Variants in CSGALNACT1 observed in about 807,000 individuals in gnomAD.
CSGALNACT1 encodes beta4GalNAcT-1.
In CSGALNACT1, 52 loss-of-function variants were observed where a neutral mutation model predicts 51.0. That is an observed-to-expected ratio of 1.02 (90% CI 0.82 to 1.29). CSGALNACT1 has a LOEUF of 1.29. Among genes scored for constraint, CSGALNACT1 ranks in the 50% most tolerant of loss-of-function variants. CSGALNACT1 has a pLI of 0.00. For missense variants in CSGALNACT1, 935 were observed against 679.2 expected, an observed-to-expected ratio of 1.38 and a Z score of -4.19; for synonymous variants, 341 against 254.4, an observed-to-expected ratio of 1.34 and a Z score of -3.24.
At chr8:19,431,197 C>G (rs1353596552) in intron 6 of CSGALNACT1, among the ~76,000 whole-genome samples, 3 of 152,064 alleles carry the variant, frequency 2.0e-5, no homozygotes, top group African/African-American at 7.2e-5. Context: ...CTAGAACACC[C>G]AGTACAATAT....
intron 4 of CSGALNACT1, among the ~76,000 whole-genome samples, chr8:19,475,244 T>C (rs1281687576): frequency 6.6e-6 from 1 of 152,080 alleles, no homozygotes; most frequent in African/African-American, 2.4e-5. Context: ...GCCGAGAAAG[T>C]CTGGGAAATA....
intron 7 of CSGALNACT1, among the ~76,000 whole-genome samples, chr8:19,419,318 G>A (rs1328466433): frequency 2.0e-5 from 3 of 152,162 alleles, no homozygotes; most frequent in Non-Finnish European, 4.4e-5. Flanking sequence ...CTTGGGAGGG[G>A]GTGTGAAAGA....
intron 1 of CSGALNACT1, among the ~76,000 whole-genome samples, chr8:19,718,827 C>T (rs893910444): frequency 2.6e-5 from 4 of 152,146 alleles, no homozygotes; most frequent in African/African-American, 7.2e-5. Context: ...TCACCACGAC[C>T]GTGAAGCCCT....
chr8:19,721,551 G>A (rs1244125798), intron 1 of CSGALNACT1, among the ~76,000 whole-genome samples: 6 of 152,152 alleles, frequency 3.9e-5, no homozygotes, highest in Admixed American at 6.5e-5. Flanking sequence ...AGCCATAGCT[G>A]GGGTGCTCAA....
chr8:19,641,083 C>A (rs955863369), intron 1 of CSGALNACT1, among the ~76,000 whole-genome samples: 1 of 151,132 alleles, frequency 6.6e-6, no homozygotes. Context: ...CTCAAGTCTC[C>A]CAGGGATGCG....
At chr8:19,592,064 G>GA (rs566241799) in intron 2 of CSGALNACT1, among the ~76,000 whole-genome samples, 162 of 149,410 alleles carry the variant, frequency 1.1e-3, no homozygotes, top group African/African-American at 3.3e-3. Flanking sequence ...GCCTTTAAAA[G>GA]AAAAAAAAAG....
chr8:19,726,940 A>G (rs2154243183), intron 1 of CSGALNACT1, among the ~76,000 whole-genome samples: 1 of 152,346 alleles, frequency 6.6e-6, no homozygotes, highest in South Asian at 2.1e-4. Flanking sequence ...AGAAGCTTCT[A>G]GACAGCAACC....
intron 1 of CSGALNACT1, among the ~76,000 whole-genome samples, chr8:19,745,450 C>A (rs2064592688): frequency 6.6e-6 from 1 of 152,184 alleles, no homozygotes; most frequent in South Asian, 2.1e-4. Context: ...CAATTTTTCA[C>A]TTGTGCCCCT....
chr8:19,515,536 C>T (rs146639586), intron 3 of CSGALNACT1, among the ~76,000 whole-genome samples: 35 of 152,258 alleles, frequency 2.3e-4, no homozygotes, highest in African/African-American at 8.4e-4. Context: ...TGAGAATAAA[C>T]ACATAAGTGT....
At chr8:19,419,456 G>T (rs1036393979) in intron 7 of CSGALNACT1, among the ~76,000 whole-genome samples, 2 of 152,180 alleles carry the variant, frequency 1.3e-5, no homozygotes, top group African/African-American at 4.8e-5. Flanking sequence ...TGTCCAGGGT[G>T]GTTGCTCTTT....
chr8:19,544,904 C>A (rs954091703), intron 3 of CSGALNACT1, among the ~76,000 whole-genome samples: 1 of 152,258 alleles, frequency 6.6e-6, no homozygotes, highest in African/African-American at 2.4e-5. Context: ...CTATCGTTTA[C>A]ACACAGGACA....
chr8:19,434,468 C>A (rs1367575948), intron 6 of CSGALNACT1, among the ~76,000 whole-genome samples: 1 of 152,124 alleles, frequency 6.6e-6, no homozygotes, highest in African/African-American at 2.4e-5. Context: ...CAACTTCACC[C>A]TTGAAGACAT....
chr8:19,502,090 T>C (rs2153987133), intron 4 of CSGALNACT1, among the ~76,000 whole-genome samples: 1 of 152,318 alleles, frequency 6.6e-6, no homozygotes, highest in African/African-American at 2.4e-5. Flanking sequence ...TTCGCAGAAC[T>C]GTAGAAAGTG....
chr8:19,636,606 A>C (rs988710836), intron 1 of CSGALNACT1, among the ~76,000 whole-genome samples: 1 of 152,172 alleles, frequency 6.6e-6, no homozygotes, highest in Non-Finnish European at 1.5e-5. Flanking sequence ...ACACCTGAAC[A>C]AGACCTGTCT....
chr8:19,534,478 C>T (rs2083375965), intron 3 of CSGALNACT1, among the ~76,000 whole-genome samples: 1 of 151,992 alleles, frequency 6.6e-6, no homozygotes, highest in Non-Finnish European at 1.5e-5. Flanking sequence ...TGTAAGAGTA[C>T]TTATTTAATC....
rs2077120602 is a variant in CSGALNACT1 at position 19,505,374 on chromosome 8, TGTAGA to T, written c.456_460del (p.Leu153GlufsTer25). The T allele has an allele frequency of 6.2e-7, 1 of 1,614,200 alleles. No homozygotes were observed. The highest frequency in any genetic ancestry group is 8.5e-7 in the Non-Finnish European group (1 of 1,180,024). ...GCCAGTCTCCAGCTGGTACACCTTC[TGTAGA>T]GTAAAGCTATCGAAAGGCACTGCTG... On this transcript the variant is annotated frameshift_variant, in exon 4 of 10. Coordinates refer to ENST00000454498, the Ensembl canonical transcript of CSGALNACT1. LOFTEE classifies it high-confidence loss of function.
At chr8:19,429,919 G>T (rs140029295) in intron 6 of CSGALNACT1, among the ~76,000 whole-genome samples, 1 of 152,166 alleles carries the variant, frequency 6.6e-6, no homozygotes, top group Non-Finnish European at 1.5e-5. Flanking sequence ...AGCCATCCCG[G>T]TGAGTGTAGT....
At chr8:19,441,901 G>A (rs1192045318) in intron 5 of CSGALNACT1, among the ~76,000 whole-genome samples, 1 of 152,130 alleles carries the variant, frequency 6.6e-6, no homozygotes, top group Non-Finnish European at 1.5e-5. Flanking sequence ...ATCAAAAAGT[G>A]GGCGAAGGAT....
At chr8:19,702,258 C>T (rs2061921200) in intron 1 of CSGALNACT1, among the ~76,000 whole-genome samples, 1 of 152,154 alleles carries the variant, frequency 6.6e-6, no homozygotes, top group Non-Finnish European at 1.5e-5. Context: ...GGTGCAATGG[C>T]TCACACCTGT....
Sources: gnomAD v4.1 joint callset for allele counts (sites outside exome capture counted in the v4.1 genomes callset) on GRCh38, gnomAD v4.1.1 for gene constraint, MANE v1.5 for transcripts, NCBI Gene and HGNC (gene_info 2026-07-23, HGNC 2026-07-21) for gene names.